SLC30A8: variants seen among roughly 807,000 people sequenced by gnomAD.
SLC30A8 encodes solute carrier family 30 member 8, also known as proton-coupled zinc antiporter SLC30A8.
SLC30A8 carries 27 observed loss-of-function variants against 36.9 expected under a neutral mutation model. That is an observed-to-expected ratio of 0.73 (90% CI 0.54 to 1.01). The LOEUF (loss-of-function observed/expected upper bound fraction) is 1.01. SLC30A8 is among the 50% of genes least tolerant of loss of function. The pLI, the probability that SLC30A8 is intolerant of heterozygous loss-of-function variation, is 0.00. For missense variants in SLC30A8, 439 were observed against 452.0 expected, an observed-to-expected ratio of 0.97 and a Z score of 0.26; for synonymous variants, 164 against 172.4, an observed-to-expected ratio of 0.95 and a Z score of 0.38.
chr8:117,022,536 C>T (rs555684383), intron 1 of SLC30A8, among the ~76,000 whole-genome samples: 41 of 152,212 alleles, frequency 2.7e-4, no homozygotes, highest in Middle Eastern at 3.4e-3. Flanking sequence ...GAGATATAGA[C>T]CAATGGAACA....
Position 117,174,615 on chromosome 8 carries a change from T to C in SLC30A8, c.*1934T>C, listed in dbSNP as rs1396233804. The C allele has an allele frequency of 6.6e-6, 1 of 152,588 alleles. No homozygotes were observed. The highest frequency in any genetic ancestry group is 2.4e-5 in the African/African-American group (1 of 41,458). The allele number at this position is 152,588 out of a possible 1,614,324, so 9.5% of individuals were successfully genotyped here. A position where few individuals can be genotyped will look rare whatever the true frequency, so the allele number is the denominator to read the frequency against. ...TGGTTTTGTTTTTCCATATTTTGCA[T>C]AGGACGCCCTAAAGACTAGGTGACT... On this transcript the variant is annotated 3_prime_UTR_variant, in exon 8 of 8. Coordinates refer to ENST00000456015, the MANE Select transcript of SLC30A8 (RefSeq NM_173851.3).
chr8:117,046,425 C>G (rs1021253581), intron 2 of SLC30A8, among the ~76,000 whole-genome samples: 2 of 152,150 alleles, frequency 1.3e-5, no homozygotes, highest in African/African-American at 4.8e-5. Context: ...AAGTTAAGCC[C>G]TCAGTACAAA....
intron 2 of SLC30A8, among the ~76,000 whole-genome samples, chr8:117,091,938 C>G (rs1415301220): frequency 6.6e-6 from 1 of 152,032 alleles, no homozygotes; most frequent in African/African-American, 2.4e-5. Flanking sequence ...TAGGGACAGG[C>G]AATGGTGTTC....
intron 2 of SLC30A8, among the ~76,000 whole-genome samples, chr8:117,085,682 T>C (rs1818851015): frequency 1.3e-5 from 2 of 152,172 alleles, no homozygotes; most frequent in South Asian, 4.1e-4. Flanking sequence ...AATTATCTAA[T>C]TTACTTCTCA....
intron 2 of SLC30A8, chr8:117,129,953 A>G (rs2130920753): frequency 6.6e-6 from 1 of 152,094 alleles, no homozygotes; most frequent in Non-Finnish European, 1.5e-5. Flanking sequence ...CTGCTCACTG[A>G]TCAATATCTG....
In SLC30A8 at chr8:117,002,883, G is replaced by T. The variant is rs180714344; in HGVS notation, c.-265-36336G>T. ...CTCCCAAAGTGCTGAGATTATAGGC[G>T]TGAGCCACTGTGCCTGGCCAAAAGA... is the stretch of plus-strand genomic sequence containing the variant. On this transcript the variant is annotated intron_variant, in intron 1 of 10. Transcript: ENST00000427715. 3.3e-3 allele frequency among the ~76,000 whole-genome samples: 502 copies of T among 152,234 alleles called. 1 individual carries two copies. Among genetic ancestry groups the T allele is most frequent in the Non-Finnish European group, 4.6e-3 (316 of 68,010 alleles).
chr8:117,157,775 A>G lies in SLC30A8; in HGVS notation c.503A>G (p.Tyr168Cys). Reference protein sequence around the residue: ...LVYLACERLLYPDYQIQATVM... With the variant: ...LVYLACERLLCPDYQIQATVM... ...TACCTGGCATGTGAGCGCCTGCTGT[A>G]TCCTGATTACCAGATCCAGGCGACT... Residue 168 changes from tyrosine (Y) to cysteine (C), a missense_variant, in exon 4 of 8, where the codon TAT (tyrosine) becomes TGT (cysteine). Transcript: ENST00000456015. 2 of 1,614,012 alleles carry G rather than the reference A, an allele frequency of 1.2e-6. No individual in the cohort carries two copies. Among genetic ancestry groups the G allele is most frequent in the Non-Finnish European group, 1.7e-6 (2 of 1,179,994 alleles).
At chr8:117,008,940 A>T (rs1353107983) in intron 1 of SLC30A8, among the ~76,000 whole-genome samples, 1 of 152,196 alleles carries the variant, frequency 6.6e-6, no homozygotes, top group Non-Finnish European at 1.5e-5. Flanking sequence ...GATGTTGGGC[A>T]ATCTACCTAT....
chr8:117,032,087 A>G (rs1817070851), intron 1 of SLC30A8, among the ~76,000 whole-genome samples: 1 of 151,992 alleles, frequency 6.6e-6, no homozygotes, highest in Non-Finnish European at 1.5e-5. Flanking sequence ...CTTACGCCTC[A>G]GCCCATCTCT....
chr8:117,005,041 C>A (rs576595542), intron 1 of SLC30A8, among the ~76,000 whole-genome samples: 1 of 152,202 alleles, frequency 6.6e-6, no homozygotes, highest in East Asian at 1.9e-4. Flanking sequence ...TTAAAATGGG[C>A]AATTCAGTGG....
upstream of SLC30A8, chr8:117,130,236 C>A (rs925405780): frequency 6.6e-6 from 1 of 151,948 alleles, no homozygotes; most frequent in Non-Finnish European, 1.5e-5. Flanking sequence ...TGAAAAGCAA[C>A]GGTTCAGTCT....
At chr8:117,166,890 G>T (rs1456944316) in intron 6 of SLC30A8, among the ~76,000 whole-genome samples, 1 of 150,664 alleles carries the variant, frequency 6.6e-6, no homozygotes, top group Non-Finnish European at 1.5e-5. Context: ...ACATTTAAAG[G>T]TTTGTTCTTG....
chr8:117,052,693 A>G (rs2130774724), intron 2 of SLC30A8, among the ~76,000 whole-genome samples: 1 of 152,336 alleles, frequency 6.6e-6, no homozygotes, highest in East Asian at 1.9e-4. Flanking sequence ...GATTCTACAT[A>G]GAGGCATGAG....
chr8:117,049,970 G>C (rs1006821144), intron 2 of SLC30A8, among the ~76,000 whole-genome samples: 4 of 152,186 alleles, frequency 2.6e-5, no homozygotes, highest in African/African-American at 9.7e-5. Flanking sequence ...CCGGGTATGT[G>C]TCTTTCTTTT....
At chr8:117,147,400 G>A in intron 2 of SLC30A8, 1 of 430,964 alleles carries the variant, frequency 2.3e-6, no homozygotes, top group Non-Finnish European at 4.2e-6. Context: ...TGTATTCATA[G>A]CTCACAGGTT....
intron 2 of SLC30A8, among the ~76,000 whole-genome samples, chr8:117,046,062 A>G (rs1817540992): frequency 6.6e-6 from 1 of 152,062 alleles, no homozygotes; most frequent in Non-Finnish European, 1.5e-5. Flanking sequence ...CTTAGGAATG[A>G]GCAGGGGGAA....
At chr8:116,965,538 C>G (rs1479944289) in intron 1 of SLC30A8, among the ~76,000 whole-genome samples, 1 of 152,180 alleles carries the variant, frequency 6.6e-6, no homozygotes, top group African/African-American at 2.4e-5. Context: ...TCTTTGAGAT[C>G]CAGATGAATT....
intron 1 of SLC30A8, among the ~76,000 whole-genome samples, chr8:117,024,269 G>T (rs1816801917): frequency 6.6e-6 from 1 of 152,108 alleles, no homozygotes; most frequent in Non-Finnish European, 1.5e-5. Context: ...CTGTCTTTAG[G>T]TATTTTTGTC....
At chr8:117,133,289 T>C (rs1444666569), upstream of SLC30A8, among the ~76,000 whole-genome samples, 1 of 152,016 alleles carries the variant, frequency 6.6e-6, no homozygotes, top group Non-Finnish European at 1.5e-5. Flanking sequence ...CACTTTTCCC[T>C]GTCCTACATC....
Sources: gnomAD v4.1 joint callset for allele counts (sites outside exome capture counted in the v4.1 genomes callset) on GRCh38, gnomAD v4.1.1 for gene constraint, MANE v1.5 for transcripts, NCBI Gene and HGNC (gene_info 2026-07-23, HGNC 2026-07-21) for gene names.